Variants in FAM98B observed in about 807,000 individuals in gnomAD.
FAM98B encodes the protein tRNA splicing ligase complex subunit 3B.
FAM98B carries 32 observed loss-of-function variants against 43.9 expected under a neutral mutation model. The observed-to-expected ratio is 0.73, with a 90% CI of 0.55 to 0.98. The LOEUF is 0.98. Among genes scored for constraint, FAM98B ranks in the 50% least tolerant of loss-of-function variants. The pLI, the probability that FAM98B is intolerant of heterozygous loss-of-function variation, is 0.00. For synonymous variants in FAM98B, 190 were observed against 174.0 expected, an observed-to-expected ratio of 1.09 and a Z score of -0.72; for missense variants, 514 against 522.9, an observed-to-expected ratio of 0.98 and a Z score of 0.17.
At chr15:38,464,992 A>T (rs1321692533) in intron 2 of FAM98B, among the ~76,000 whole-genome samples, 1 of 152,246 alleles carries the variant, frequency 6.6e-6, no homozygotes, top group East Asian at 1.9e-4. Flanking sequence ...TGAAATAAAG[A>T]TAAGCAGTGA....
rs1173432479 is a variant in FAM98B at position 38,484,892 on chromosome 15, T to C, written c.*233T>C. 7.6e-6 allele frequency: 4 copies of C among 529,044 alleles called. No individual in the cohort carries two copies. The highest frequency in any genetic ancestry group is 4.5e-5 in the Admixed American group (1 of 22,032). The allele number at this position is 529,044 out of a possible 1,614,324, so 32.8% of individuals were successfully genotyped here. A position where few individuals can be genotyped will look rare whatever the true frequency, so the allele number is the denominator to read the frequency against. ...GTGTACCCTTGAGCATGTTGTGTCT[T>C]TTTAAAAAACAAAAAAAAGAACAAA... On this transcript the variant is annotated 3_prime_UTR_variant, in exon 8 of 8. Transcript: ENST00000397609.
chr15:38,460,245 G>A (rs1454003626), intron 1 of FAM98B, among the ~76,000 whole-genome samples: 1 of 152,176 alleles, frequency 6.6e-6, no homozygotes, highest in African/African-American at 2.4e-5. Context: ...TAGGAGCATG[G>A]TTATTCTCTG....
chr15:38,462,204 A>G (rs541920443), intron 1 of FAM98B, among the ~76,000 whole-genome samples: 4 of 152,302 alleles, frequency 2.6e-5, no homozygotes, highest in African/African-American at 9.6e-5. Flanking sequence ...TTTATCTGGA[A>G]AAGGAGACAA....
chr15:38,467,505 G>C (rs1340827578), intron 3 of FAM98B, among the ~76,000 whole-genome samples: 2 of 152,112 alleles, frequency 1.3e-5, no homozygotes, highest in Non-Finnish European at 2.9e-5. Flanking sequence ...CATAATAGAA[G>C]TTTGGGGGAG....
At chr15:38,468,415 A>G (rs959851941) in intron 3 of FAM98B, among the ~76,000 whole-genome samples, 1 of 151,922 alleles carries the variant, frequency 6.6e-6, no homozygotes, top group East Asian at 1.9e-4. Context: ...TTTTGTAAAG[A>G]TGGGTCTGTG....
intron 4 of FAM98B, 73 bp downstream of exon 4, chr15:38,470,478 C>T: frequency 7.7e-7 from 1 of 1,305,010 alleles, no homozygotes; most frequent in Non-Finnish European, 1.0e-6. Flanking sequence ...AAAAATGAAA[C>T]TATTCCCTAT....
intron 3 of FAM98B, among the ~76,000 whole-genome samples, chr15:38,466,182 T>TGTGTGTG (rs1890028154): frequency 6.8e-6 from 1 of 147,704 alleles, no homozygotes; most frequent in South Asian, 2.2e-4. Context: ...GAGATGAAAT[T>TGTGTGTG]TGTGTGTGTG....
chr15:38,454,687 A>G (rs942975444), intron 1 of FAM98B, among the ~76,000 whole-genome samples: 1 of 152,154 alleles, frequency 6.6e-6, no homozygotes, highest in Non-Finnish European at 1.5e-5. Context: ...TTTTACTTTG[A>G]CCGGAGAAAG....
chr15:38,471,325 GAGTA>G (rs970814640), intron 4 of FAM98B, among the ~76,000 whole-genome samples: 7 of 152,072 alleles, frequency 4.6e-5, no homozygotes, highest in African/African-American at 1.7e-4. Flanking sequence ...GCAAACCAGA[GAGTA>G]AGTCTGTGAA....
At chr15:38,474,352 C>G (rs1890167635) in intron 6 of FAM98B, 54 bp downstream of exon 6, 1 of 1,240,198 alleles carries the variant, frequency 8.1e-7, no homozygotes, top group Non-Finnish European at 1.2e-6. Flanking sequence ...AACAGCTCTT[C>G]TGGCTTGCTT....
intron 6 of FAM98B, among the ~76,000 whole-genome samples, chr15:38,480,579 AT>A (rs35402125): frequency 1.4e-3 from 204 of 149,552 alleles, no homozygotes; most frequent in African/African-American, 4.6e-3. Flanking sequence ...TCTATGCCTC[AT>A]TTTTTTTTTC....
intron 1 of FAM98B, among the ~76,000 whole-genome samples, chr15:38,455,922 G>A (rs1158784246): frequency 1.3e-5 from 2 of 152,148 alleles, no homozygotes; most frequent in Non-Finnish European, 2.9e-5. Context: ...AACTATGAGG[G>A]CAACATTTTG....
Position 38,481,576 on chromosome 15 carries a change from CA to C in FAM98B, c.897+118del, listed in dbSNP as rs547607256. 1.0e-3 allele frequency: 1,627 copies of C among 1,611,640 alleles called. 3 individuals are homozygous for C. The highest frequency in any genetic ancestry group is 4.5e-3 in the African/African-American group (336 of 74,894). On this transcript the variant is annotated intron_variant, in intron 7 of 7. Transcript: ENST00000397609. The stretch of plus-strand genomic sequence containing the variant: ...GGTAAATGTTTAGAAAAAAGAGTGG[CA>C]GGGGGGTTCAGTCTAGGCTTAGTTA...
At chr15:38,459,591 G>A in intron 1 of FAM98B, 1 of 233,980 alleles carries the variant, frequency 4.3e-6, no homozygotes, top group Non-Finnish European at 8.5e-6. Context: ...TGAGCCCATG[G>A]TCTGGGCTGG....
chr15:38,466,972 C>G (rs1028917326), intron 3 of FAM98B, among the ~76,000 whole-genome samples: 10 of 151,964 alleles, frequency 6.6e-5, no homozygotes, highest in African/African-American at 2.4e-4. Flanking sequence ...CTCTTTATTT[C>G]CCTATCACTT....
At chr15:38,459,064 G>A in intron 1 of FAM98B, 5 of 341,980 alleles carry the variant, frequency 1.5e-5, no homozygotes, top group South Asian at 1.3e-4. Context: ...TACTTGGCCA[G>A]GTTGGCAGTG....
intron 6 of FAM98B, among the ~76,000 whole-genome samples, chr15:38,477,531 CAT>C (rs1163246235): frequency 6.6e-6 from 1 of 152,114 alleles, no homozygotes; most frequent in Non-Finnish European, 1.5e-5. Flanking sequence ...GTGTGTTTTA[CAT>C]AGAGTCCCTT....
rs1364126396 is a variant in FAM98B, at chr15:38,484,277, A to G, written c.920A>G (p.Asp307Gly). 2 of 1,549,996 alleles carry G rather than the reference A, an allele frequency of 1.3e-6. No homozygotes were observed. The highest frequency in any genetic ancestry group is 1.7e-6 in the Non-Finnish European group (2 of 1,147,104). ...CAGGTGCTGATGGGAAGGGTGCCTG[A>G]CAGGGGAGGCCGGCCGAATGAAATT... ...INKVLMGRVP[D>G]RGGRPNEIEP... The change falls in exon 8 of 8, where the codon GAC becomes GGC. Residue 307 changes from aspartate to glycine, a missense_variant. Physicochemically the swap from Asp to Gly is moderately conservative, Grantham distance 94. Around this residue, in one of 2 missense-constraint regions of FAM98B, gnomAD observed 469 missense variants for 451.8 expected, o/e 1.04. Transcript: ENST00000397609.
intron 7 of FAM98B, chr15:38,482,411 T>A (rs1195074562): frequency 1.3e-5 from 2 of 152,206 alleles, no homozygotes; most frequent in African/African-American, 4.8e-5. Context: ...GAGTTTATAA[T>A]TTATGGTCTC....
Sources: allele counts gnomAD v4.1 joint callset (sites outside exome capture counted in the v4.1 genomes callset), GRCh38; gene constraint gnomAD v4.1.1; regional missense constraint gnomAD v4.1.1; transcripts MANE v1.5; gene names NCBI Gene and HGNC (gene_info 2026-07-23, HGNC 2026-07-21).